The following NSMCE1 variants were observed in gnomAD, a reference collection of about 807,000 sequenced individuals.
The protein encoded by NSMCE1 is NSE1 component of SMC5/6 complex.
In NSMCE1, 18 loss-of-function variants were observed where a neutral mutation model predicts 29.6. The observed-to-expected ratio is 0.61, with a 90% CI of 0.42 to 0.90. NSMCE1 has a LOEUF of 0.90. Among genes scored for constraint, NSMCE1 ranks in the 40% least tolerant of loss-of-function variants. NSMCE1 has a pLI of 0.00. For synonymous variants in NSMCE1, 124 were observed against 133.4 expected, an observed-to-expected ratio of 0.93 and a Z score of 0.49; for missense variants, 314 against 343.6, an observed-to-expected ratio of 0.91 and a Z score of 0.68.
chr16:27,247,885 C>T (rs551124374), intron 2 of NSMCE1, among the ~76,000 whole-genome samples: 31 of 151,760 alleles, frequency 2.0e-4, no homozygotes, highest in African/African-American at 7.3e-4. Context: ...GGAGATTGCG[C>T]CATTGCAATC....
rs5816427 is a variant in NSMCE1 at position 27,265,161 on chromosome 16, C to CTTTTTTTT, written c.-12+3537_-12+3544dup. 9.4e-4 allele frequency among the ~76,000 whole-genome samples: 78 copies of CTTTTTTTT among 82,686 alleles called. 2 individuals are homozygous for CTTTTTTTT. The highest frequency in any genetic ancestry group is 1.5e-3 in the Non-Finnish European group (66 of 45,416). 54.2% of individuals were successfully genotyped at this position (82,686 alleles called of 152,430 possible). ...TGCTGGGAGAGTATAAATTCTTTTCCTTTTTTTTTTTTTTTTTTTTTTTTG... is the reference window on the plus strand; with the variant it reads ...TGCTGGGAGAGTATAAATTCTTTTCCTTTTTTTTTTTTTTTTTTTTTTTTTTTTTTTTG... On this transcript the variant is annotated intron_variant, in intron 1 of 7. Transcript: ENST00000361439.
At chr16:27,227,966 G>A (rs2083719020) in intron 5 of NSMCE1, among the ~76,000 whole-genome samples, 1 of 152,044 alleles carries the variant, frequency 6.6e-6, no homozygotes, top group Non-Finnish European at 1.5e-5. Flanking sequence ...TGTATTTTTA[G>A]TAGAGACAGG....
chr16:27,225,216 C>T lies in NSMCE1; in HGVS notation c.742G>A (p.Glu248Lys). 1 of 1,606,362 alleles carries T rather than the reference C, an allele frequency of 6.2e-7. No homozygotes were observed. The highest frequency in any genetic ancestry group is 1.7e-5 in the Admixed American group (1 of 59,392). Residue 248 changes from glutamate (E) to lysine (K), a missense_variant, in exon 8 of 8, where the codon GAG (glutamate) becomes AAG (lysine). Glu to Lys is a moderately conservative substitution (Grantham distance 56). Transcript: ENST00000361439. ...GATTTCAAGACACCAGACTCCCTCT[C>T]CTTCTCAGGGTCGAAGACTTCTGTA... ...EIPKVFDPEK[E>K]RESGVLKSNK...
intron 2 of NSMCE1, among the ~76,000 whole-genome samples, chr16:27,247,572 T>C (rs2083970714): frequency 6.6e-6 from 1 of 152,178 alleles, no homozygotes; most frequent in South Asian, 2.1e-4. Context: ...GCCATCCCCA[T>C]GCAACCACTG....
At chr16:27,247,271 G>C (rs149909880) in intron 2 of NSMCE1, among the ~76,000 whole-genome samples, 1 of 152,292 alleles carries the variant, frequency 6.6e-6, no homozygotes, top group East Asian at 1.9e-4. Context: ...GAGTTCTCAA[G>C]AGATCTGACA....
chr16:27,257,590 G>GA lies in NSMCE1; in HGVS notation c.-11-10dup. 6.2e-7 allele frequency: 1 copy of GA among 1,603,352 alleles called. No individual in the cohort carries two copies. Among genetic ancestry groups the GA allele is most frequent in the Non-Finnish European group, 8.5e-7 (1 of 1,174,084 alleles). On this transcript the variant is annotated splice_polypyrimidine_tract_variant and intron_variant, in intron 1 of 7. Transcript: ENST00000361439. ...CTGCATGTGGGAACGAACTGAAAAG[G>GA]AAGTAAATGACACTAGTCAACCCCA... is the stretch of plus-strand genomic sequence containing the variant.
rs371140073 is a variant in NSMCE1, at chr16:27,260,180, T to C, written c.-11-2599A>G. Among the ~76,000 whole-genome samples, 83 of 152,272 alleles carry C rather than the reference T, an allele frequency of 5.5e-4. 1 individual carries two copies. Among genetic ancestry groups the C allele is most frequent in the African/African-American group, 1.9e-3 (81 of 41,558 alleles). The stretch of plus-strand genomic sequence containing the variant: ...TGCTTCTATCTTTAAAAAAAAGTTT[T>C]TAATACCACAGTAAAAAGAATGAGG... On this transcript the variant is annotated intron_variant, in intron 1 of 7. Transcript: ENST00000361439.
intron 1 of NSMCE1, chr16:27,268,249 GA>G (rs2084250114): frequency 6.6e-6 from 1 of 152,144 alleles, no homozygotes; most frequent in South Asian, 2.1e-4. Flanking sequence ...TACAAAGTAA[GA>G]AACTCCGTAC....
chr16:27,241,772 A>G (rs1384270513), intron 2 of NSMCE1: 1 of 417,444 alleles, frequency 2.4e-6, no homozygotes, highest in Admixed American at 2.7e-5. Context: ...CAGCTCATTC[A>G]CTACACGCTG....
At chr16:27,241,197 C>A (rs1199543263) in intron 2 of NSMCE1, among the ~76,000 whole-genome samples, 1 of 152,218 alleles carries the variant, frequency 6.6e-6, no homozygotes, top group African/African-American at 2.4e-5. Context: ...TGCACTTGGG[C>A]AACAGGAAAT....
At chr16:27,238,522 A>G (rs1224392264) in intron 2 of NSMCE1, among the ~76,000 whole-genome samples, 7 of 145,250 alleles carry the variant, frequency 4.8e-5, no homozygotes, top group Non-Finnish European at 9.0e-5. Flanking sequence ...TCCCTCCCTA[A>G]CGAGACCTTC....
chr16:27,238,224 C>T (rs1000842789), intron 2 of NSMCE1, among the ~76,000 whole-genome samples: 1 of 152,188 alleles, frequency 6.6e-6, no homozygotes, highest in Admixed American at 6.5e-5. Context: ...GAGCCTCTCC[C>T]CCACTTCTCA....
intron 5 of NSMCE1, among the ~76,000 whole-genome samples, chr16:27,229,783 C>T (rs1220692046): frequency 1.3e-5 from 2 of 152,112 alleles, no homozygotes; most frequent in South Asian, 2.1e-4. Flanking sequence ...TTCACCATAT[C>T]GGCCAGGCTG....
rs1317248826 is a variant in NSMCE1, at chr16:27,234,100, G to C, written c.336+88C>G. The C allele has an allele frequency of 5.8e-6, 5 of 867,498 alleles. No individual in the cohort carries two copies. The East Asian group carries it at 1.2e-4, about 21-fold the overall frequency. 53.7% of individuals were successfully genotyped at this position (867,498 alleles called of 1,614,324 possible). ...GGCCCATGTCCCCCCAGTGATCCTT[G>C]AACACTGCAGTTGCCACTGCTAATG... is the stretch of plus-strand genomic sequence containing the variant. On this transcript the variant is annotated intron_variant, in intron 4 of 7. Coordinates refer to ENST00000361439, the MANE Select transcript of NSMCE1 (RefSeq NM_145080.4).
chr16:27,233,419 G>C (rs1245137043), intron 4 of NSMCE1, among the ~76,000 whole-genome samples: 1 of 152,142 alleles, frequency 6.6e-6, no homozygotes, highest in Admixed American at 6.5e-5. Context: ...CCTCACGGCT[G>C]GCCTCGGAGG....
intron 2 of NSMCE1, among the ~76,000 whole-genome samples, chr16:27,245,073 T>A (rs945135415): frequency 6.6e-6 from 1 of 152,122 alleles, no homozygotes; most frequent in Admixed American, 6.5e-5. Context: ...GATGGCAAGT[T>A]AAGGGGCAGA....
chr16:27,244,302 G>A (rs78629678), intron 2 of NSMCE1, among the ~76,000 whole-genome samples: 4 of 152,198 alleles, frequency 2.6e-5, no homozygotes, highest in Non-Finnish European at 5.9e-5. Flanking sequence ...GTATGAAGGC[G>A]GCTGACTGCA....
chr16:27,257,932 G>A (rs2084105993), intron 1 of NSMCE1, among the ~76,000 whole-genome samples: 1 of 152,248 alleles, frequency 6.6e-6, no homozygotes, highest in South Asian at 2.1e-4. Flanking sequence ...AGATTAGATG[G>A]GTTAATACAT....
intron 5 of NSMCE1, among the ~76,000 whole-genome samples, chr16:27,231,465 CGTCTCTACTA>C (rs1436066545): frequency 6.6e-6 from 1 of 152,100 alleles, no homozygotes; most frequent in Non-Finnish European, 1.5e-5. Flanking sequence ...GGAGGAACCC[CGTCTCTACTA>C]AAAATAGAAA....
Sources: allele counts gnomAD v4.1 joint callset (sites outside exome capture counted in the v4.1 genomes callset), GRCh38; gene constraint gnomAD v4.1.1; transcripts MANE v1.5; gene names NCBI Gene and HGNC (gene_info 2026-07-23, HGNC 2026-07-21).